The following SERP2 variants were observed in gnomAD, a reference collection of about 807,000 sequenced individuals.
SERP2 encodes stress-associated endoplasmic reticulum protein 2.
A neutral mutation model predicts 9.1 loss-of-function variants in SERP2; 6 were observed. That is an observed-to-expected ratio of 0.66 (90% confidence interval 0.36 to 1.30). The LOEUF is 1.30. Among genes scored for constraint, SERP2 ranks in the 50% most tolerant of loss-of-function variants. SERP2 has a pLI of 0.03. For missense variants in SERP2, 58 were observed against 81.9 expected (o/e 0.71, Z 1.13); for synonymous variants, 37 against 27.3 (o/e 1.35, Z -1.10).
chr13:44,392,195 T>TAAAAAAAAAAAAAAAA (rs1566095090), intron 2 of SERP2, among the ~76,000 whole-genome samples: 1 of 290 alleles, frequency 3.4e-3, no homozygotes. Flanking sequence ...AGACTCTGTC[T>TAAAAAAAAAAAAAAAA]CAAAAAAAAA....
Position 44,383,544 on chromosome 13 carries a change from G to GTTTTTT in SERP2, c.157+3834_157+3839dup, listed in dbSNP as rs373109847. ...TAGCTCCACCTCTCTGGAGGTTTGC[G>GTTTTTT]TTTTTTTTGTTTTTTTTTTTTTGAG... On this transcript the variant is annotated intron_variant, in intron 2 of 2. Coordinates refer to ENST00000379179, the MANE Select transcript of SERP2 (RefSeq NM_001010897.3). Among the ~76,000 whole-genome samples the GTTTTTT allele has an allele frequency of 4.5e-4, 41 of 91,810 alleles. 4 individuals carry two copies. The highest frequency in any genetic ancestry group is 5.7e-4 in the Non-Finnish European group (27 of 47,404). The allele number at this position is 91,810 out of a possible 152,430, so 60.2% of individuals were successfully genotyped here.
At chr13:44,390,519 A>C in intron 2 of SERP2, 4 of 446,086 alleles carry the variant, frequency 9.0e-6, no homozygotes, top group South Asian at 6.3e-5. Flanking sequence ...TCTGGAGTTC[A>C]TCCTCGGGAT....
intron 2 of SERP2, among the ~76,000 whole-genome samples, chr13:44,385,363 C>T (rs1259381733): frequency 3.3e-5 from 5 of 152,188 alleles, no homozygotes; most frequent in Admixed American, 2.6e-4. Context: ...TAAACACGCA[C>T]TCAGGGAATG....
intron 1 of SERP2, 86 bp downstream of exon 1, chr13:44,374,195 G>T (rs1173046381): frequency 4.4e-6 from 4 of 901,048 alleles, no homozygotes; most frequent in Non-Finnish European, 6.2e-6. Flanking sequence ...GGCGGGTAGC[G>T]GCGCAGGGTC....
At chr13:44,393,054 G>A (rs932367490) in intron 2 of SERP2, among the ~76,000 whole-genome samples, 1 of 152,102 alleles carries the variant, frequency 6.6e-6, no homozygotes, top group East Asian at 1.9e-4. Context: ...CAAGCAGGAA[G>A]TGCCCAGCGG....
chr13:44,389,079 G>C (rs1490410042), intron 2 of SERP2, among the ~76,000 whole-genome samples: 2 of 152,210 alleles, frequency 1.3e-5, no homozygotes, highest in Non-Finnish European at 2.9e-5. Context: ...GAAGCCTTTT[G>C]CAACAACTAA....
intron 2 of SERP2, among the ~76,000 whole-genome samples, chr13:44,391,472 T>C (rs1189095624): frequency 3.9e-5 from 6 of 152,324 alleles, no homozygotes; most frequent in East Asian, 1.9e-4. Flanking sequence ...CTGGAGCTTA[T>C]AGTCTAATGG....
Position 44,374,054 on chromosome 13 carries a change from C to T in SERP2, c.29C>T (p.Ala10Val). The T allele has an allele frequency of 6.3e-7, 1 of 1,589,904 alleles. No homozygotes were observed. The highest frequency in any genetic ancestry group is 8.6e-7 in the Non-Finnish European group (1 of 1,168,682). Reference protein sequence around the residue: MVAKQRIRMANEKHSKNITQ... With the variant: MVAKQRIRMVNEKHSKNITQ... ...GTGGCCAAACAGCGGATCCGGATGG[C>T]TAACGAGAAGCACAGCAAAAACATC... Residue 10 changes from alanine (A) to valine (V), a missense_variant, in exon 1 of 3, where the codon GCT becomes GTT. Physicochemically the swap from Ala to Val is moderately conservative, Grantham distance 64. Transcript: ENST00000379179.
chr13:44,390,837 A>C (rs532235769), intron 2 of SERP2: 1 of 154,052 alleles, frequency 6.5e-6, no homozygotes, highest in African/African-American at 2.4e-5. Flanking sequence ...TAGAGAACTT[A>C]GTGATCCACT....
intron 2 of SERP2, among the ~76,000 whole-genome samples, chr13:44,389,031 CA>C (rs1165618823): frequency 1.3e-5 from 2 of 152,208 alleles, no homozygotes; most frequent in African/African-American, 4.8e-5. Flanking sequence ...AGTTTTGTGG[CA>C]AAATGTCTTT....
intron 2 of SERP2, among the ~76,000 whole-genome samples, chr13:44,393,958 G>T (rs1286059193): frequency 6.6e-6 from 1 of 152,132 alleles, no homozygotes; most frequent in East Asian, 1.9e-4. Context: ...CTCCAAGAAG[G>T]TTCATCTGTG....
intron 1 of SERP2, among the ~76,000 whole-genome samples, chr13:44,375,435 T>C (rs1429872169): frequency 2.6e-5 from 4 of 152,128 alleles, no homozygotes; most frequent in South Asian, 2.1e-4. Flanking sequence ...ATCACTCAGT[T>C]GTGATTAGGC....
intron 1 of SERP2, among the ~76,000 whole-genome samples, chr13:44,375,447 G>T (rs1871597309): frequency 6.6e-6 from 1 of 152,086 alleles, no homozygotes; most frequent in Non-Finnish European, 1.5e-5. Flanking sequence ...TGATTAGGCA[G>T]CAAAATGCCA....
chr13:44,375,254 C>T (rs1401476852), intron 1 of SERP2, among the ~76,000 whole-genome samples: 1 of 152,044 alleles, frequency 6.6e-6, no homozygotes, highest in Non-Finnish European at 1.5e-5. Context: ...GATCTGTAAT[C>T]ATCACACCAG....
intron 2 of SERP2, among the ~76,000 whole-genome samples, chr13:44,386,632 C>T (rs1207501076): frequency 1.3e-5 from 2 of 152,236 alleles, no homozygotes; most frequent in African/African-American, 4.8e-5. Context: ...GATCGGCCCT[C>T]CTCAGCCTCC....
At chr13:44,376,702 G>A (rs766435717) in intron 1 of SERP2, among the ~76,000 whole-genome samples, 66 of 152,052 alleles carry the variant, frequency 4.3e-4, no homozygotes, top group Middle Eastern at 6.3e-3. Flanking sequence ...TTGAACCCGG[G>A]AGGCAGAGGT....
chr13:44,391,251 T>C (rs1436369844), intron 2 of SERP2: 2 of 152,154 alleles, frequency 1.3e-5, no homozygotes, highest in African/African-American at 4.8e-5. Context: ...TTTAGGAGTT[T>C]ATAGTCTTGT....
At chr13:44,386,529 A>G (rs1872327415) in intron 2 of SERP2, among the ~76,000 whole-genome samples, 2 of 152,242 alleles carry the variant, frequency 1.3e-5, no homozygotes, top group South Asian at 4.1e-4. Flanking sequence ...GATTACAGGC[A>G]TGCGCCACCA....
At position 44,397,548 on chromosome 13, in the gene SERP2, A is replaced by T; in HGVS notation, c.*236A>T. 1 of 567,896 alleles carries T rather than the reference A, an allele frequency of 1.8e-6. No individual in the cohort carries two copies. The allele number at this position is 567,896 out of a possible 1,614,324, so 35.2% of individuals were successfully genotyped here. A position where few individuals can be genotyped will look rare whatever the true frequency, so the allele number is the denominator to read the frequency against. ...ATTTTGCTTTTCTGTTGGCAGGATT[A>T]GTAGCCACGCGGGTCGTCCGCAGCA... On this transcript the variant is annotated 3_prime_UTR_variant, in exon 3 of 3. Coordinates refer to ENST00000379179, the MANE Select transcript of SERP2 (RefSeq NM_001010897.3).
Sources: allele counts gnomAD v4.1 joint callset (sites outside exome capture counted in the v4.1 genomes callset), GRCh38; gene constraint gnomAD v4.1.1; transcripts MANE v1.5; gene names NCBI Gene and HGNC (gene_info 2026-07-23, HGNC 2026-07-21).